KCND3: variants seen among roughly 807,000 people sequenced by gnomAD.
The protein encoded by KCND3 is A-type voltage-gated potassium channel KCND3.
In KCND3, 9 loss-of-function variants were observed where a neutral mutation model predicts 51.1. The ratio of observed to expected loss-of-function variants is 0.18; its 90% confidence interval spans 0.11 to 0.31. The LOEUF (loss-of-function observed/expected upper bound fraction) is 0.31. Ranked by LOEUF, KCND3 falls within the 10% of genes least tolerant of loss-of-function variation. KCND3 has a pLI of 1.00. For missense variants in KCND3, 526 were observed against 903.8 expected (o/e 0.58, Z 5.36); for synonymous variants, 349 against 368.0 (o/e 0.95, Z 0.59).
At chr1:111,897,091 C>G (rs567713047) in intron 2 of KCND3, among the ~76,000 whole-genome samples, 3 of 152,360 alleles carry the variant, frequency 2.0e-5, no homozygotes, top group African/African-American at 7.2e-5. Flanking sequence ...AGCAGGTGCT[C>G]AGCCCACATG....
intron 2 of KCND3, among the ~76,000 whole-genome samples, chr1:111,956,790 C>T (rs552259621): frequency 3.3e-5 from 5 of 152,266 alleles, no homozygotes; most frequent in African/African-American, 9.6e-5. Context: ...CTGAGTCTTT[C>T]CCTCTCTCTG....
At chr1:111,829,149 C>T (rs1307362890) in intron 2 of KCND3, among the ~76,000 whole-genome samples, 1 of 152,108 alleles carries the variant, frequency 6.6e-6, no homozygotes, top group African/African-American at 2.4e-5. Flanking sequence ...GTCATGGTCA[C>T]GAAATTGGAA....
Position 111,967,552 on chromosome 1 carries a change from C to T in KCND3, c.1106+14069G>A, listed in dbSNP as rs917806082. 5.9e-5 allele frequency among the ~76,000 whole-genome samples: 9 copies of T among 152,342 alleles called. No homozygotes were observed. In the South Asian group the frequency reaches 1.0e-3, roughly 18 times the overall value. On this transcript the variant is annotated intron_variant, in intron 2 of 7. Transcript: ENST00000302127. The stretch of plus-strand genomic sequence containing the variant: ...CACGCACCCTGGAGGAGTCTGCAGG[C>T]AGGGCCTCCCAGGCCTCTCTGCAGA...
At chr1:111,898,973 G>T (rs1368542533) in intron 2 of KCND3, among the ~76,000 whole-genome samples, 1 of 152,108 alleles carries the variant, frequency 6.6e-6, no homozygotes, top group Non-Finnish European at 1.5e-5. Flanking sequence ...CAATTATAGT[G>T]GCTGTCCCAC....
intron 2 of KCND3, among the ~76,000 whole-genome samples, chr1:111,884,114 A>G (rs929476263): frequency 6.6e-6 from 1 of 152,162 alleles, no homozygotes; most frequent in Non-Finnish European, 1.5e-5. Flanking sequence ...TCTTGGGTAG[A>G]GTAGAGAATA....
intron 2 of KCND3, among the ~76,000 whole-genome samples, chr1:111,960,721 T>A (rs917549982): frequency 6.6e-6 from 1 of 152,062 alleles, no homozygotes; most frequent in Non-Finnish European, 1.5e-5. Context: ...TCAGCTGGGG[T>A]TGGGGGAACA....
intron 2 of KCND3, among the ~76,000 whole-genome samples, chr1:111,924,521 G>A (rs1391841747): frequency 6.6e-6 from 1 of 152,192 alleles, no homozygotes; most frequent in Non-Finnish European, 1.5e-5. Flanking sequence ...CTGCAAGCTT[G>A]GGCTCAGGGG....
chr1:111,898,487 C>T (rs1429323323), intron 2 of KCND3, among the ~76,000 whole-genome samples: 2 of 152,288 alleles, frequency 1.3e-5, no homozygotes, highest in Middle Eastern at 3.4e-3. Context: ...GGCCATCTCC[C>T]TGGGGAGACT....
chr1:111,897,906 T>C (rs1482510233), intron 2 of KCND3, among the ~76,000 whole-genome samples: 2 of 152,216 alleles, frequency 1.3e-5, no homozygotes, highest in Non-Finnish European at 1.5e-5. Context: ...AAATATGCCT[T>C]AGGCCACCAA....
chr1:111,820,123 T>C (rs1666280558), intron 2 of KCND3, among the ~76,000 whole-genome samples: 1 of 152,206 alleles, frequency 6.6e-6, no homozygotes, highest in Non-Finnish European at 1.5e-5. Context: ...ACAACCCTAA[T>C]TACCATTACT....
chr1:111,905,323 T>TA (rs1236536555), intron 2 of KCND3, among the ~76,000 whole-genome samples: 1 of 152,024 alleles, frequency 6.6e-6, no homozygotes, highest in Non-Finnish European at 1.5e-5. Flanking sequence ...AGCAGGGAAA[T>TA]AATAAAAACA....
At chr1:111,814,300 G>T (rs1451706192) in intron 2 of KCND3, among the ~76,000 whole-genome samples, 2 of 152,198 alleles carry the variant, frequency 1.3e-5, no homozygotes, top group Admixed American at 1.3e-4. Flanking sequence ...GGCAGCACGG[G>T]GAGCTCTGTA....
Position 111,774,124 on chromosome 1 carries a change from C to T in KCND3, c.*1953G>A, listed in dbSNP as rs1664018246. On this transcript the variant is annotated 3_prime_UTR_variant, in exon 8 of 8. Transcript: ENST00000302127. Reference sequence around the variant, plus strand: ...AAGAAGGCTCCCTCTCCTCTGCCTTCTGCCCACATTCTGGTTAGGTGCCAC... The same window carrying T: ...AAGAAGGCTCCCTCTCCTCTGCCTTTTGCCCACATTCTGGTTAGGTGCCAC... 1 of 152,266 alleles carries T rather than the reference C, an allele frequency of 6.6e-6. No individual in the cohort carries two copies. The highest frequency in any genetic ancestry group is 2.1e-4 in the South Asian group (1 of 4,826). The allele number at this position is 152,266 out of a possible 1,614,324, so 9.4% of individuals were successfully genotyped here.
At chr1:111,828,417 A>G (rs1183460196) in intron 2 of KCND3, among the ~76,000 whole-genome samples, 1 of 152,188 alleles carries the variant, frequency 6.6e-6, no homozygotes, top group Non-Finnish European at 1.5e-5. Context: ...GAGTATGTTT[A>G]TACTATTCAA....
chr1:111,886,581 A>T (rs1029096603), intron 2 of KCND3, among the ~76,000 whole-genome samples: 1 of 152,232 alleles, frequency 6.6e-6, no homozygotes, highest in African/African-American at 2.4e-5. Context: ...TGGGAGGCCA[A>T]TTTCAGTTTA....
At chr1:111,786,846 T>A in intron 3 of KCND3, 98 bp downstream of exon 3, 1 of 1,431,886 alleles carries the variant, frequency 7.0e-7, no homozygotes. Context: ...AGAGGCCATC[T>A]GTGCAGTGAT....
At chr1:111,843,246 C>T (rs1667408700) in intron 2 of KCND3, among the ~76,000 whole-genome samples, 1 of 152,156 alleles carries the variant, frequency 6.6e-6, no homozygotes, top group Non-Finnish European at 1.5e-5. Flanking sequence ...GGGACACAGC[C>T]CTGTGCACAG....
intron 2 of KCND3, among the ~76,000 whole-genome samples, chr1:111,949,517 A>G (rs1015957474): frequency 7.9e-5 from 12 of 152,200 alleles, no homozygotes; most frequent in Admixed American, 2.6e-4. Flanking sequence ...AAGGGTAAGG[A>G]AAAGGTGAGG....
intron 2 of KCND3, among the ~76,000 whole-genome samples, chr1:111,826,779 A>G (rs1666598920): frequency 6.6e-6 from 1 of 152,244 alleles, no homozygotes; most frequent in Admixed American, 6.5e-5. Flanking sequence ...AGTCATGATA[A>G]TAACAGCTAA....
Sources: allele counts gnomAD v4.1 joint callset (sites outside exome capture counted in the v4.1 genomes callset), GRCh38; gene constraint gnomAD v4.1.1; transcripts MANE v1.5; gene names NCBI Gene and HGNC (gene_info 2026-07-23, HGNC 2026-07-21).